SRGAP3: variants seen among roughly 807,000 people sequenced by gnomAD.
SRGAP3 encodes the protein SLIT-ROBO Rho GTPase activating protein 3, also known as SLIT-ROBO Rho GTPase-activating protein 3.
SRGAP3 carries 39 observed loss-of-function variants against 121.1 expected under a neutral mutation model. The ratio of observed to expected loss-of-function variants is 0.32; its 90% CI spans 0.25 to 0.42. The LOEUF (loss-of-function observed/expected upper bound fraction) is 0.42, where lower values mean the gene tolerates loss of function less well. Among genes scored for constraint, SRGAP3 ranks in the 10% least tolerant of loss-of-function variants. SRGAP3 has a pLI of 1.00. For synonymous variants in SRGAP3, 601 were observed against 570.0 expected (o/e 1.05, Z -0.77); for missense variants, 1,213 against 1,470.6 (o/e 0.82, Z 2.86).
At chr3:9,151,263 C>G (rs954298988) in intron 1 of SRGAP3, among the ~76,000 whole-genome samples, 8 of 151,898 alleles carry the variant, frequency 5.3e-5, no homozygotes, top group Non-Finnish European at 5.9e-5. Flanking sequence ...GAAGAGCATA[C>G]GGGGGAAGGA....
chr3:9,093,833 T>A (rs763833158), intron 3 of SRGAP3, among the ~76,000 whole-genome samples: 1 of 152,218 alleles, frequency 6.6e-6, no homozygotes, highest in Non-Finnish European at 1.5e-5. Flanking sequence ...CTCTAATGTC[T>A]AGAAAATAAA....
At chr3:9,166,299 C>T (rs1157551094) in intron 1 of SRGAP3, among the ~76,000 whole-genome samples, 1 of 152,180 alleles carries the variant, frequency 6.6e-6, no homozygotes, top group Non-Finnish European at 1.5e-5. Context: ...TAGAAGTGTT[C>T]TGTGAATGTT....
At chr3:9,003,986 TA>T (rs1190696174) in intron 18 of SRGAP3, among the ~76,000 whole-genome samples, 7 of 152,076 alleles carry the variant, frequency 4.6e-5, no homozygotes, top group Non-Finnish European at 1.0e-4. Context: ...TCTTATATAT[TA>T]AAAAAATAAG....
intron 5 of SRGAP3, among the ~76,000 whole-genome samples, chr3:9,060,912 G>C (rs532281223): frequency 6.6e-6 from 1 of 152,170 alleles, no homozygotes; most frequent in Non-Finnish European, 1.5e-5. Context: ...ATGAGCAGCA[G>C]CCTCTGACGG....
At chr3:9,095,160 A>G (rs911761111) in intron 3 of SRGAP3, among the ~76,000 whole-genome samples, 26 of 152,118 alleles carry the variant, frequency 1.7e-4, no homozygotes, top group Admixed American at 1.7e-3. Flanking sequence ...ATTAATTTGT[A>G]AGAGCTGATT....
Position 9,078,970 on chromosome 3 carries a change from G to C in SRGAP3, c.486+1055C>G, listed in dbSNP as rs141442918. Among the ~76,000 whole-genome samples, 12 of 152,302 alleles carry C rather than the reference G, an allele frequency of 7.9e-5. No individual in the cohort carries two copies. The East Asian group carries it at 2.3e-3, about 29-fold the overall frequency. On this transcript the variant is annotated intron_variant, in intron 4 of 21. Coordinates refer to ENST00000383836, the MANE Select transcript of SRGAP3 (RefSeq NM_014850.4). ...CGTAGCTTGTTGGGATCTGAGGCAG[G>C]CTTTCTGACCTGAGGTCCAGGCCCT...
chr3:8,998,070 C>A (rs139508731), intron 18 of SRGAP3, among the ~76,000 whole-genome samples: 2 of 151,968 alleles, frequency 1.3e-5, no homozygotes, highest in African/African-American at 4.8e-5. Flanking sequence ...TTTGTAGCAA[C>A]GGGGGTCTCA....
chr3:9,311,735 C>G (rs1216439125), intron 3 of SRGAP3, among the ~76,000 whole-genome samples: 1 of 152,154 alleles, frequency 6.6e-6, no homozygotes, highest in Non-Finnish European at 1.5e-5. Context: ...TGCGTTTGGC[C>G]TGCAGACCAC....
upstream of SRGAP3, among the ~76,000 whole-genome samples, chr3:9,251,598 G>A (rs1463721539): frequency 6.6e-6 from 1 of 152,182 alleles, no homozygotes; most frequent in East Asian, 1.9e-4. Flanking sequence ...CAACCTGCTT[G>A]TGTGCCCACT....
intron 12 of SRGAP3, among the ~76,000 whole-genome samples, chr3:9,027,546 AT>A (rs1347757119): frequency 1.3e-5 from 2 of 152,238 alleles, no homozygotes; most frequent in African/African-American, 4.8e-5. Flanking sequence ...TGCATACTGC[AT>A]TTAACAGTAA....
chr3:9,360,586 T>C (rs775429296), intron 1 of SRGAP3, among the ~76,000 whole-genome samples: 1 of 152,198 alleles, frequency 6.6e-6, no homozygotes, highest in Non-Finnish European at 1.5e-5. Flanking sequence ...GTTTAATGGA[T>C]TTACAGTTCC....
At chr3:9,271,060 C>T (rs896963701) in intron 3 of SRGAP3, among the ~76,000 whole-genome samples, 8 of 152,194 alleles carry the variant, frequency 5.3e-5, no homozygotes, top group Admixed American at 3.9e-4. Flanking sequence ...TCAGCCGGGC[C>T]CAGTGGCTCG....
intron 18 of SRGAP3, among the ~76,000 whole-genome samples, chr3:9,004,559 C>A (rs1361387078): frequency 6.6e-6 from 1 of 152,188 alleles, no homozygotes; most frequent in African/African-American, 2.4e-5. Flanking sequence ...ATAGTACCAA[C>A]ACAGAGATAG....
At chr3:9,083,686 C>T (rs552680153) in intron 3 of SRGAP3, among the ~76,000 whole-genome samples, 4 of 152,212 alleles carry the variant, frequency 2.6e-5, no homozygotes, top group Admixed American at 6.5e-5. Context: ...CTGTGAACAT[C>T]CTTGTGTGCT....
intron 3 of SRGAP3, among the ~76,000 whole-genome samples, chr3:9,311,194 C>G (rs1321514419): frequency 1.3e-5 from 2 of 151,764 alleles, no homozygotes; most frequent in Non-Finnish European, 2.9e-5. Flanking sequence ...GATACATACA[C>G]CGACACTTCC....
At chr3:9,166,121 T>C (rs1452538895) in intron 1 of SRGAP3, among the ~76,000 whole-genome samples, 1 of 152,142 alleles carries the variant, frequency 6.6e-6, no homozygotes, top group Non-Finnish European at 1.5e-5. Flanking sequence ...ATCACAGCCT[T>C]TGCCTGTGAA....
At chr3:9,117,357 G>A (rs1048482188) in intron 2 of SRGAP3, among the ~76,000 whole-genome samples, 3 of 152,144 alleles carry the variant, frequency 2.0e-5, no homozygotes, top group South Asian at 2.1e-4. Flanking sequence ...CTTTATCCCC[G>A]CTAAGAAGTG....
intron 3 of SRGAP3, among the ~76,000 whole-genome samples, chr3:9,094,101 T>G (rs1252468371): frequency 6.6e-6 from 1 of 152,188 alleles, no homozygotes; most frequent in African/African-American, 2.4e-5. Context: ...CCTCCCTCTT[T>G]CCTCAATTAT....
intron 1 of SRGAP3, among the ~76,000 whole-genome samples, chr3:9,182,062 T>C (rs1318714790): frequency 1.3e-5 from 2 of 150,342 alleles, no homozygotes; most frequent in Admixed American, 6.6e-5. Context: ...TCTAGTCCCA[T>C]CTACTCGGGA....
Sources: gnomAD v4.1 joint callset for allele counts (sites outside exome capture counted in the v4.1 genomes callset) on GRCh38, gnomAD v4.1.1 for gene constraint, MANE v1.5 for transcripts, NCBI Gene and HGNC (gene_info 2026-07-23, HGNC 2026-07-21) for gene names.